RLN2: variants seen among roughly 807,000 people sequenced by gnomAD.
The protein encoded by RLN2 is prorelaxin H2.
In RLN2, 10 loss-of-function variants were observed where a neutral mutation model predicts 7.3. The observed-to-expected ratio is 1.36, with a 90% confidence interval of 0.84 to 2.31. The LOEUF is 2.31. Ranked by LOEUF, RLN2 falls within the 30% of genes most tolerant of loss-of-function variation. The pLI is 0.00. For synonymous variants in RLN2, 103 were observed against 82.3 expected, an observed-to-expected ratio of 1.25 and a Z score of -1.36; for missense variants, 298 against 217.6, an observed-to-expected ratio of 1.37 and a Z score of -2.32.
At chr9:5,332,511 A>C in the RLN2 span, among the ~76,000 whole-genome samples, 1 of 151,988 alleles carries the variant, frequency 6.6e-6, no homozygotes, top group African/African-American at 2.4e-5. Context: ...TCAATGTAAC[A>C]CATGGAAGGT....
At chr9:5,308,407 C>A (rs1816291105), upstream of RLN2, among the ~76,000 whole-genome samples, 1 of 151,958 alleles carries the variant, frequency 6.6e-6, no homozygotes, top group South Asian at 2.1e-4. Flanking sequence ...TCCCAGTAAT[C>A]ATCACCCAGG....
At chr9:5,320,524 C>T in the RLN2 span, among the ~76,000 whole-genome samples, 1 of 151,390 alleles carries the variant, frequency 6.6e-6, no homozygotes, top group African/African-American at 2.4e-5. Context: ...GTGTGTACCA[C>T]CACACGCGGC....
At chr9:5,306,420 G>T (rs1408398381), upstream of RLN2, among the ~76,000 whole-genome samples, 1 of 151,822 alleles carries the variant, frequency 6.6e-6, no homozygotes, top group East Asian at 1.9e-4. Context: ...GTTTTATAGA[G>T]TCCTTAAAAC....
At chr9:5,337,591 T>A in the RLN2 span, among the ~76,000 whole-genome samples, 1 of 151,948 alleles carries the variant, frequency 6.6e-6, no homozygotes, top group South Asian at 2.1e-4. Context: ...TGTAATAACG[T>A]GAAAGCAAGT....
the RLN2 span, among the ~76,000 whole-genome samples, chr9:5,332,829 A>C: frequency 0.26 from 38,696 of 151,518 alleles, 5,429 homozygotes; most frequent in East Asian, 0.4. Context: ...GTTAGCCAGG[A>C]TGGTCTCGAA....
At chr9:5,311,572 C>T in the RLN2 span, 49 of 794,456 alleles carry the variant, frequency 6.2e-5, no homozygotes, top group East Asian at 1.5e-4. Flanking sequence ...AGCCTAAAAA[C>T]GCCCATGCAA....
At chr9:5,338,020 A>T in the RLN2 span, among the ~76,000 whole-genome samples, 3 of 151,036 alleles carry the variant, frequency 2.0e-5, no homozygotes, top group East Asian at 5.8e-4. Context: ...GTGAAAATGC[A>T]AAAGATATAT....
At chr9:5,324,926 T>C in the RLN2 span, among the ~76,000 whole-genome samples, 1 of 151,968 alleles carries the variant, frequency 6.6e-6, no homozygotes, top group Non-Finnish European at 1.5e-5. Context: ...TCCAACGTAA[T>C]TTTTCCAGAA....
the RLN2 span, chr9:5,335,631 C>T: frequency 1.4e-5 from 20 of 1,388,536 alleles, no homozygotes; most frequent in Middle Eastern, 1.9e-4. Flanking sequence ...TATGTGAAGG[C>T]GTATTCACGT....
At chr9:5,310,880 A>G in the RLN2 span, among the ~76,000 whole-genome samples, 1 of 152,110 alleles carries the variant, frequency 6.6e-6, no homozygotes, top group South Asian at 2.1e-4. Flanking sequence ...TTTTGAACAA[A>G]GTGTTCTGTT....
upstream of RLN2, among the ~76,000 whole-genome samples, chr9:5,306,269 G>C (rs745794524): frequency 1.3e-5 from 2 of 151,532 alleles, no homozygotes; most frequent in Non-Finnish European, 2.9e-5. Context: ...CACCACACCT[G>C]GCTAATTTTT....
upstream of RLN2, among the ~76,000 whole-genome samples, chr9:5,309,378 A>G (rs1305721432): frequency 1.3e-5 from 2 of 151,972 alleles, no homozygotes; most frequent in Non-Finnish European, 2.9e-5. Context: ...CATGTAGTCT[A>G]AACTTCACAG....
the RLN2 span, among the ~76,000 whole-genome samples, chr9:5,336,159 T>C: frequency 6.6e-6 from 1 of 152,084 alleles, no homozygotes; most frequent in Non-Finnish European, 1.5e-5. Context: ...AAATCTCTGA[T>C]GTTCCTCAAT....
the RLN2 span, among the ~76,000 whole-genome samples, chr9:5,330,975 C>T: frequency 1.1e-4 from 17 of 151,884 alleles, no homozygotes; most frequent in Non-Finnish European, 1.8e-4. Flanking sequence ...AACACCTCTA[C>T]GCAAATAAAC....
chr9:5,318,020 G>A, the RLN2 span, among the ~76,000 whole-genome samples: 1 of 151,752 alleles, frequency 6.6e-6, no homozygotes, highest in Non-Finnish European at 1.5e-5. Flanking sequence ...GTGTGTGTGT[G>A]TGTGTGTGTC....
the RLN2 span, among the ~76,000 whole-genome samples, chr9:5,329,042 G>A: frequency 8.6e-5 from 13 of 151,848 alleles, no homozygotes; most frequent in African/African-American, 1.5e-4. Context: ...GGTGGCTCAC[G>A]CCTGTAATCC....
At chr9:5,311,802 G>A in the RLN2 span, 2 of 674,446 alleles carry the variant, frequency 3.0e-6, no homozygotes, top group Admixed American at 2.4e-5. Context: ...TAAAAATGCA[G>A]AATTTTTTTT....
At chr9:5,318,063 G>C in the RLN2 span, among the ~76,000 whole-genome samples, 4 of 150,836 alleles carry the variant, frequency 2.7e-5, no homozygotes, top group African/African-American at 9.8e-5. Context: ...GTAGAGACAG[G>C]GTTTCGCCAC....
In RLN2 at chr9:5,300,441, A is replaced by G. The variant is rs1314115731; in HGVS notation, c.215T>C (p.Ile72Thr). 6.3e-7 allele frequency: 1 copy of G among 1,592,900 alleles called. No individual in the cohort carries two copies. ...APQTPRPVAE[I>T]VPSFINKDTE... is the part of the protein sequence containing the mutation. ...ATCTTTGTTGATGAAGGATGGCACA[A>G]TTTCTGTTAAATTTAAAAAAAAAGG... The change falls in exon 2 of 2, where the codon ATT becomes ACT. Residue 72 changes from isoleucine to threonine, a missense_variant. Coordinates refer to ENST00000381627, the MANE Select transcript of RLN2 (RefSeq NM_134441.3).
Sources: gnomAD v4.1 joint callset for allele counts (sites outside exome capture counted in the v4.1 genomes callset) on GRCh38, gnomAD v4.1.1 for gene constraint, MANE v1.5 for transcripts, NCBI Gene and HGNC (gene_info 2026-07-23, HGNC 2026-07-21) for gene names.